Variants in RPAP1 observed in about 807,000 individuals in gnomAD.
RPAP1 encodes RNA polymerase II associated protein 1.
Under a neutral mutation model 142.4 loss-of-function variants are expected in RPAP1, and 109 were observed. The ratio of observed to expected loss-of-function variants is 0.77; its 90% confidence interval spans 0.66 to 0.90. The LOEUF is 0.90. RPAP1 is among the 40% of genes least tolerant of loss of function. The pLI, the probability that RPAP1 is intolerant of heterozygous loss-of-function variation, is 0.00. For missense variants in RPAP1, 1,546 were observed against 1,751.7 expected (o/e 0.88, Z 2.10); for synonymous variants, 704 against 738.9 (o/e 0.95, Z 0.77).
intron 6 of RPAP1, among the ~76,000 whole-genome samples, chr15:41,532,382 G>A (rs769479541): frequency 6.6e-6 from 1 of 151,544 alleles, no homozygotes; most frequent in African/African-American, 2.4e-5. Context: ...CAAGCTGGTC[G>A]TAAACTCTTG....
At chr15:41,536,915 C>T (rs2051915422) in intron 2 of RPAP1, 30 bp downstream of exon 2, 3 of 1,607,230 alleles carry the variant, frequency 1.9e-6, no homozygotes, top group Non-Finnish European at 2.6e-6. Context: ...ACCCTCTCTA[C>T]TTCTCAGCCT....
chr15:41,537,154 G>T lies in RPAP1; in HGVS notation c.-29C>A. On this transcript the variant is annotated 5_prime_UTR_variant, in exon 2 of 25. Transcript: ENST00000304330. ...GCTGCTCCAGCTGCCTCCCCAGTACGACTCTCTCCAGCAGTGTCTCCGTGT... is the reference window on the plus strand; with the variant it reads ...GCTGCTCCAGCTGCCTCCCCAGTACTACTCTCTCCAGCAGTGTCTCCGTGT... The T allele has an allele frequency of 6.2e-7, 1 of 1,604,188 alleles. No individual in the cohort carries two copies. Among genetic ancestry groups the T allele is most frequent in the Non-Finnish European group, 8.5e-7 (1 of 1,174,840 alleles).
chr15:41,542,204 A>G (rs958839032), intron 1 of RPAP1, among the ~76,000 whole-genome samples: 4 of 152,160 alleles, frequency 2.6e-5, no homozygotes, highest in Non-Finnish European at 5.9e-5. Flanking sequence ...TTGCCCACAC[A>G]AGTCTAGAAA....
chr15:41,520,553 A>C lies in RPAP1; in HGVS notation c.3633T>G (p.Tyr1211Ter). The C allele has an allele frequency of 6.2e-7, 1 of 1,614,230 alleles. No homozygotes were observed. The highest frequency in any genetic ancestry group is 8.5e-7 in the Non-Finnish European group (1 of 1,180,040). The change falls in exon 22 of 25, where the codon TAT becomes TAG. Residue 1211 changes from tyrosine to a stop codon, truncating the protein, a stop_gained. Coordinates refer to ENST00000304330, the MANE Select transcript of RPAP1 (RefSeq NM_015540.4). LOFTEE classifies it high-confidence loss of function. ...LPGLTSFPDL[Y>*]ANFLDHFEAV... ...CCTCAAAATGATCCAGGAAGTTGGC[A>C]TAGAGGTCAGGGAAAGACGTCAGGC...
intron 22 of RPAP1, among the ~76,000 whole-genome samples, chr15:41,519,168 G>A (rs1347258191): frequency 6.6e-6 from 1 of 152,204 alleles, no homozygotes; most frequent in East Asian, 1.9e-4. Context: ...TTGGATTACA[G>A]GCATGAGCCA....
chr15:41,522,858 A>G lies in RPAP1; in HGVS notation c.2649T>C (p.Ser883=), dbSNP rs771466802. ...LGCSGGCPRL[S]LAGSASPFPF... is the part of the protein sequence containing the mutation. Reference sequence around the variant, plus strand: ...GGAAGGGTGAGGCTGAGCCAGCCAGACTGAGACGGGGGCAGCCTCCCGAGC... The same window carrying G: ...GGAAGGGTGAGGCTGAGCCAGCCAGGCTGAGACGGGGGCAGCCTCCCGAGC... Residue 883 remains serine (S), a synonymous_variant, in exon 19 of 25, where the codon AGT becomes AGC. Transcript: ENST00000304330. 44 of 1,581,628 alleles carry G rather than the reference A, an allele frequency of 2.8e-5. No homozygotes were observed. In the South Asian group the frequency reaches 4.9e-4, roughly 18 times the overall value.
chr15:41,522,940 T>C lies in RPAP1; in HGVS notation c.2567A>G (p.Asn856Ser). The C allele has an allele frequency of 6.5e-7, 1 of 1,548,384 alleles. No individual in the cohort carries two copies. Among genetic ancestry groups the C allele is most frequent in the Non-Finnish European group, 8.6e-7 (1 of 1,157,578 alleles). ...AAGGGCTGGCACACAGGACAGCGGGTTGCAGAGAAGGGAGCAGTGCCTGTA... is the reference window on the plus strand; with the variant it reads ...AAGGGCTGGCACACAGGACAGCGGGCTGCAGAGAAGGGAGCAGTGCCTGTA... ...DSLRHCSLLC[N>S]PLSCVPALEA... Residue 856 changes from asparagine to serine, a missense_variant, in exon 19 of 25, where the codon AAC becomes AGC. Asn to Ser is a conservative substitution (Grantham distance 46). Transcript: ENST00000304330.
rs957557616 is a variant in RPAP1 at position 41,527,670 on chromosome 15, G to A, written c.1429-65C>T. 7 of 1,520,796 alleles carry A rather than the reference G, an allele frequency of 4.6e-6. No individual in the cohort carries two copies. The East Asian group carries it at 1.6e-4, about 35-fold the overall frequency. 94.2% of individuals were successfully genotyped at this position (1,520,796 alleles called of 1,614,324 possible). A position where few individuals can be genotyped will look rare whatever the true frequency, so the allele number is the denominator to read the frequency against. ...GCCAGGAAATGGATCCAGGAGTAGA[G>A]AGGATGCTCCCCAATAAAAACCATA... On this transcript the variant is annotated intron_variant, in intron 11 of 24. Coordinates refer to ENST00000304330, the MANE Select transcript of RPAP1 (RefSeq NM_015540.4).
chr15:41,525,080 C>T lies in RPAP1; in HGVS notation c.1986G>A (p.Leu662=). The stretch of plus-strand genomic sequence containing the variant: ...TCAGCATCTCAGCTTCCTCTGGGGG[C>T]AAGGCCAGTTCTTGGGGAGCCTCAG... ...IIAEAPQELA[L]PPEEAEMLST... The change falls in exon 15 of 25, where the codon TTG becomes TTA. Residue 662 remains leucine, a synonymous_variant. Transcript: ENST00000304330. 1 of 1,614,020 alleles carries T rather than the reference C, an allele frequency of 6.2e-7. No homozygotes were observed. Among genetic ancestry groups the T allele is most frequent in the Non-Finnish European group, 8.5e-7 (1 of 1,179,968 alleles).
At position 41,517,953 on chromosome 15, in the gene RPAP1, G is replaced by A. The variant is rs1042928966; in HGVS notation, c.3972+53C>T. On this transcript the variant is annotated intron_variant, in intron 23 of 24. Transcript: ENST00000304330. Reference sequence around the variant, plus strand: ...TACCTCTTCCCCAGCTGGCCCAGAGGCAGCTCAATTGCTAGCTCCCTTCCT... The same window carrying A: ...TACCTCTTCCCCAGCTGGCCCAGAGACAGCTCAATTGCTAGCTCCCTTCCT... The A allele has an allele frequency of 2.1e-5, 34 of 1,612,480 alleles. No individual in the cohort carries two copies. In the Middle Eastern group the frequency reaches 6.6e-4, roughly 31 times the overall value.
chr15:41,526,786 G>T, intron 14 of RPAP1, 112 bp downstream of exon 14: 1 of 1,078,620 alleles, frequency 9.3e-7, no homozygotes, highest in Non-Finnish European at 1.3e-6. Context: ...AACTGGATCA[G>T]AGAGGAAGAA....
chr15:41,517,610 G>T lies in RPAP1; in HGVS notation c.4114C>A (p.Pro1372Thr), dbSNP rs755569443. The T allele has an allele frequency of 2.5e-6, 4 of 1,610,790 alleles. No homozygotes were observed. The highest frequency in any genetic ancestry group is 1.3e-5 in the African/African-American group (1 of 74,924). ...CTCTGGAGGTAGTGCTGACGCAGAG[G>T]GGGCAACTGAGAATAGAGCTCAAAG... ...EGFELYSQLP[P>T]LRQHYLQRLT... Residue 1372 changes from proline (P) to threonine (T), a missense_variant, in exon 25 of 25, where the codon CCT becomes ACT. Transcript: ENST00000304330.
chr15:41,523,357 G>A lies in RPAP1; in HGVS notation c.2437-3C>T. The A allele has an allele frequency of 6.4e-7, 1 of 1,565,478 alleles. No individual in the cohort carries two copies. The highest frequency in any genetic ancestry group is 8.7e-7 in the Non-Finnish European group (1 of 1,144,982). On this transcript the variant is annotated splice_polypyrimidine_tract_variant and splice_region_variant and intron_variant, in intron 17 of 24. Coordinates refer to ENST00000304330, the MANE Select transcript of RPAP1 (RefSeq NM_015540.4). ...CAATCCTCCGGGCATGAGCTTGGCT[G>A]GTGGACCAAGGAATTCACTGAGCTG...
At chr15:41,522,562 G>T (rs1436723767) in intron 19 of RPAP1, 6 of 566,648 alleles carry the variant, frequency 1.1e-5, no homozygotes, top group Non-Finnish European at 1.8e-5. Flanking sequence ...GGCTAATTTT[G>T]TATTTTTAGT....
At position 41,528,944 on chromosome 15, in the gene RPAP1, A is replaced by G. The variant is rs551738074; in HGVS notation, c.1158+526T>C. Among the ~76,000 whole-genome samples, 11 of 152,224 alleles carry G rather than the reference A, an allele frequency of 7.2e-5. No individual in the cohort carries two copies. In the East Asian group the frequency reaches 2.1e-3, roughly 29 times the overall value. ...CGGAGAATGGAGGGCATGGAGAGTG[A>G]GCAGACCAAGGAAGCAAGGCCACAG... On this transcript the variant is annotated intron_variant, in intron 9 of 24. Coordinates refer to ENST00000304330, the MANE Select transcript of RPAP1 (RefSeq NM_015540.4).
rs528606952 is a variant in RPAP1, at chr15:41,518,976, A to AAC, written c.3796-796_3796-795dup. On this transcript the variant is annotated intron_variant, in intron 22 of 24. Coordinates refer to ENST00000304330, the MANE Select transcript of RPAP1 (RefSeq NM_015540.4). Reference sequence around the variant, plus strand: ...GTGATCATAGCTCACTGGCAGCCTCAACCTCCTGAGCTCAAGTGATCCTCC... The same window carrying AAC: ...GTGATCATAGCTCACTGGCAGCCTCAACACCTCCTGAGCTCAAGTGATCCTCC... Among the ~76,000 whole-genome samples the AAC allele has an allele frequency of 1.2e-4, 19 of 152,310 alleles. No individual in the cohort carries two copies. In the East Asian group the frequency reaches 3.1e-3, roughly 25 times the overall value.
chr15:41,529,663 G>T (rs1595484979), intron 8 of RPAP1, 95 bp from the exon 9 acceptor site: 1 of 983,148 alleles, frequency 1.0e-6, no homozygotes, highest in East Asian at 2.6e-5. Context: ...CAGGACTTAG[G>T]TACTGACTCT....
In RPAP1 at chr15:41,524,149, A is replaced by G. The variant is rs889459389; in HGVS notation, c.2181T>C (p.Thr727=). 4 of 1,598,758 alleles carry G rather than the reference A, an allele frequency of 2.5e-6. No individual in the cohort carries two copies. The highest frequency in any genetic ancestry group is 3.4e-6 in the Non-Finnish European group (4 of 1,171,418). Residue 727 remains threonine (T), a synonymous_variant, in exon 16 of 25, where the codon ACT becomes ACC. Transcript: ENST00000304330. ...LSMQRIASLL[T]LLTQLTLAAG... ...CTGCCAGGGTTAGCTGGGTGAGGAG[A>G]GTGAGCAGTGAGGCTATCCGCTGCA... is the stretch of plus-strand genomic sequence containing the variant.
At chr15:41,540,736 T>C (rs757492189) in intron 1 of RPAP1, among the ~76,000 whole-genome samples, 7 of 152,228 alleles carry the variant, frequency 4.6e-5, no homozygotes, top group Non-Finnish European at 8.8e-5. Flanking sequence ...TTACCCACTA[T>C]GTTCTACTGC....
Sources: gnomAD v4.1 joint callset for allele counts (sites outside exome capture counted in the v4.1 genomes callset) on GRCh38, gnomAD v4.1.1 for gene constraint, MANE v1.5 for transcripts, NCBI Gene and HGNC (gene_info 2026-07-23, HGNC 2026-07-21) for gene names.